The following GNG2 variants were observed in gnomAD, a reference collection of about 807,000 sequenced individuals.
The protein encoded by GNG2 is guanine nucleotide-binding protein G(I)/G(S)/G(O) subunit gamma-2.
A neutral mutation model predicts 5.5 loss-of-function variants in GNG2; 5 were observed. The observed-to-expected ratio is 0.91, with a 90% confidence interval of 0.48 to 1.92. The LOEUF is 1.92. GNG2 is among the 30% of genes most tolerant of loss of function. GNG2 has a pLI of 0.01. For synonymous variants in GNG2, 28 were observed against 32.0 expected, an observed-to-expected ratio of 0.88 and a Z score of 0.42; for missense variants, 55 against 88.4, an observed-to-expected ratio of 0.62 and a Z score of 1.52.
At chr14:51,935,995 G>T (rs1476767062) in intron 2 of GNG2, among the ~76,000 whole-genome samples, 2 of 152,070 alleles carry the variant, frequency 1.3e-5, no homozygotes, top group Non-Finnish European at 2.9e-5. Context: ...ATTTGCAGAG[G>T]AGCCATTTTT....
chr14:51,936,822 C>CGTGAGTCACCACACCTAGCT (rs1888037304), intron 2 of GNG2, among the ~76,000 whole-genome samples: 1 of 152,074 alleles, frequency 6.6e-6, no homozygotes, highest in Non-Finnish European at 1.5e-5. Flanking sequence ...GGATTGTAGG[C>CGTGAGTCACCACACCTAGCT]GTGAGTCACC....
intron 1 of GNG2, among the ~76,000 whole-genome samples, chr14:51,868,050 G>C (rs1434449057): frequency 6.6e-6 from 1 of 151,984 alleles, no homozygotes; most frequent in Non-Finnish European, 1.5e-5. Flanking sequence ...ATGCAGAGTG[G>C]GCTAGACATA....
chr14:51,922,491 C>G (rs532398491), intron 2 of GNG2, among the ~76,000 whole-genome samples: 256 of 152,254 alleles, frequency 1.7e-3, no homozygotes, highest in African/African-American at 5.8e-3. Context: ...TAGCAGCCAA[C>G]TCCCCTCTTA....
chr14:51,859,850 G>GGGAAT (rs1882343497), upstream of GNG2, among the ~76,000 whole-genome samples: 1 of 152,084 alleles, frequency 6.6e-6, no homozygotes, highest in Non-Finnish European at 1.5e-5. Flanking sequence ...TTTCTCTGTT[G>GGGAAT]GGAATGTGCA....
intron 2 of GNG2, among the ~76,000 whole-genome samples, chr14:51,944,766 CA>C: frequency 6.6e-6 from 1 of 152,198 alleles, no homozygotes; most frequent in East Asian, 1.9e-4. Context: ...ACATGGGTAA[CA>C]AAAGCAAAAA....
At chr14:51,869,814 C>T (rs945917111) in intron 1 of GNG2, among the ~76,000 whole-genome samples, 4 of 152,142 alleles carry the variant, frequency 2.6e-5, no homozygotes, top group African/African-American at 7.2e-5. Flanking sequence ...TGCCCTGCCG[C>T]GGCTCTTTTT....
At chr14:51,901,835 T>G (rs1462548752) in intron 2 of GNG2, among the ~76,000 whole-genome samples, 1 of 152,012 alleles carries the variant, frequency 6.6e-6, no homozygotes, top group Non-Finnish European at 1.5e-5. Context: ...GTGCAGAGCC[T>G]GCAGTATGCC....
intron 2 of GNG2, among the ~76,000 whole-genome samples, chr14:51,942,604 T>TCTTTC (rs1249305355): frequency 9.8e-5 from 14 of 142,670 alleles, no homozygotes; most frequent in South Asian, 2.3e-4. Context: ...TTTTTTTTTT[T>TCTTTC]TTAGAGACAG....
At chr14:51,899,692 C>G (rs1009766314) in intron 2 of GNG2, among the ~76,000 whole-genome samples, 2 of 152,218 alleles carry the variant, frequency 1.3e-5, no homozygotes, top group African/African-American at 4.8e-5. Flanking sequence ...CCCCCAGTCC[C>G]TGGCAGTCAG....
chr14:51,900,587 A>G (rs2140178794), intron 2 of GNG2, among the ~76,000 whole-genome samples: 1 of 150,020 alleles, frequency 6.7e-6, no homozygotes, highest in South Asian at 2.1e-4. Context: ...TGAAGGGCAC[A>G]CAGTAATCTT....
chr14:51,866,170 C>T (rs547799941), intron 1 of GNG2, among the ~76,000 whole-genome samples: 42 of 152,290 alleles, frequency 2.8e-4, no homozygotes, highest in East Asian at 5.8e-4. Flanking sequence ...CTGGCCAGCC[C>T]GGGTGTGGGG....
At chr14:51,908,527 G>GATCTATCTATCTATCTATCT (rs10624821) in intron 2 of GNG2, among the ~76,000 whole-genome samples, 7 of 149,690 alleles carry the variant, frequency 4.7e-5, no homozygotes, top group East Asian at 2.0e-4. Context: ...ATATTTTAAA[G>GATCTATCTATCTATCTATCT]ATCTATCTAT....
chr14:51,868,327 T>G (rs1883062200), intron 1 of GNG2, among the ~76,000 whole-genome samples: 1 of 152,112 alleles, frequency 6.6e-6, no homozygotes, highest in African/African-American at 2.4e-5. Flanking sequence ...GAGGGTAGTT[T>G]GAAAAAAATA....
intron 2 of GNG2, among the ~76,000 whole-genome samples, chr14:51,948,100 G>A (rs376105234): frequency 8.5e-5 from 13 of 152,276 alleles, no homozygotes; most frequent in East Asian, 5.8e-4. Context: ...GAGACAAGGC[G>A]TATACCTCTT....
At chr14:51,890,448 T>C (rs1884774503) in intron 2 of GNG2, among the ~76,000 whole-genome samples, 1 of 152,230 alleles carries the variant, frequency 6.6e-6, no homozygotes, top group Non-Finnish European at 1.5e-5. Context: ...AAAACCAATG[T>C]AACTCTACTC....
At chr14:51,916,564 G>A (rs371524710) in intron 2 of GNG2, 12 of 440,666 alleles carry the variant, frequency 2.7e-5, no homozygotes, top group South Asian at 6.5e-5. Context: ...CTGGGACAGC[G>A]GATTTGCAGC....
intron 2 of GNG2, among the ~76,000 whole-genome samples, chr14:51,841,884 A>G (rs1457269428): frequency 1.3e-5 from 2 of 152,328 alleles, no homozygotes; most frequent in African/African-American, 4.8e-5. Flanking sequence ...CTGCATGAAA[A>G]TTATATTATT....
At chr14:51,956,430 G>T (rs1889276630) in intron 3 of GNG2, among the ~76,000 whole-genome samples, 1 of 152,120 alleles carries the variant, frequency 6.6e-6, no homozygotes, top group Non-Finnish European at 1.5e-5. Flanking sequence ...GATAGTATCA[G>T]AATTGAATTA....
chr14:51,841,188 G>A (rs1199933543), intron 2 of GNG2, among the ~76,000 whole-genome samples: 2 of 152,122 alleles, frequency 1.3e-5, no homozygotes, highest in Non-Finnish European at 2.9e-5. Flanking sequence ...GAATAGGAGG[G>A]AAAAACAAGG....
Sources: gnomAD v4.1 joint callset for allele counts (sites outside exome capture counted in the v4.1 genomes callset) on GRCh38, gnomAD v4.1.1 for gene constraint, MANE v1.5 for transcripts, NCBI Gene and HGNC (gene_info 2026-07-23, HGNC 2026-07-21) for gene names.